AJAP1: variants seen among roughly 807,000 people sequenced by gnomAD.
AJAP1 encodes adherens junction-associated protein 1.
A neutral mutation model predicts 35.0 loss-of-function variants in AJAP1; 5 were observed. That is an observed-to-expected ratio of 0.14 (90% CI 0.07 to 0.30). AJAP1 has a LOEUF of 0.30. AJAP1 is among the 10% of genes least tolerant of loss of function. The probability of loss-of-function intolerance (pLI) is 1.00; values close to 1 mark genes in which losing one functional copy is unlikely to be tolerated. For synonymous variants in AJAP1, 284 were observed against 249.3 expected, an observed-to-expected ratio of 1.14 and a Z score of -1.31; for missense variants, 586 against 571.0, an observed-to-expected ratio of 1.03 and a Z score of -0.27.
intron 1 of AJAP1, among the ~76,000 whole-genome samples, chr1:4,672,831 C>T (rs1412344233): frequency 1.3e-5 from 2 of 152,204 alleles, no homozygotes; most frequent in African/African-American, 2.4e-5. Flanking sequence ...TTGACCCTTC[C>T]GTAGGGAGAT....
Position 4,714,427 on chromosome 1 carries a change from C to G in AJAP1, c.829+1728C>G, listed in dbSNP as rs1030118988. ...CATCATAGTAGGATTTCTTGCTACT[C>G]TCCCTTACTGTCACCTCCTCTGTAT... On this transcript the variant is annotated intron_variant, in intron 2 of 5. Coordinates refer to ENST00000378191, the MANE Select transcript of AJAP1 (RefSeq NM_018836.4). Among the ~76,000 whole-genome samples the G allele has an allele frequency of 2.6e-5, 4 of 152,234 alleles. No homozygotes were observed. The South Asian group carries it at 8.3e-4, about 31-fold the overall frequency.
chr1:4,666,836 TGC>T (rs1639137626), intron 1 of AJAP1, among the ~76,000 whole-genome samples: 1 of 125,296 alleles, frequency 8.0e-6, no homozygotes, highest in African/African-American at 3.2e-5. Flanking sequence ...ACGGAGGGGT[TGC>T]AGAGAGGAGC....
At chr1:4,682,272 T>C (rs986934378) in intron 1 of AJAP1, among the ~76,000 whole-genome samples, 1 of 152,150 alleles carries the variant, frequency 6.6e-6, no homozygotes, top group Non-Finnish European at 1.5e-5. Context: ...ATCAGTGCTG[T>C]TGTAGTTGCT....
intron 1 of AJAP1, among the ~76,000 whole-genome samples, chr1:4,707,135 T>G (rs1640117742): frequency 6.6e-6 from 1 of 152,166 alleles, no homozygotes; most frequent in African/African-American, 2.4e-5. Flanking sequence ...GGCTTCCTCC[T>G]GCCCATGTGC....
chr1:4,763,054 AG>A (rs1375134198), intron 2 of AJAP1, among the ~76,000 whole-genome samples: 5 of 152,186 alleles, frequency 3.3e-5, no homozygotes, highest in African/African-American at 1.2e-4. Flanking sequence ...TCACCCTCTG[AG>A]GCACACTGGG....
chr1:4,735,810 CT>C (rs1299672675), intron 2 of AJAP1, among the ~76,000 whole-genome samples: 1 of 152,230 alleles, frequency 6.6e-6, no homozygotes, highest in African/African-American at 2.4e-5. Context: ...GGCACAGCCC[CT>C]GTTACCCCTG....
intron 3 of AJAP1, among the ~76,000 whole-genome samples, chr1:4,770,748 C>A (rs966553653): frequency 3.9e-5 from 6 of 152,186 alleles, no homozygotes; most frequent in Non-Finnish European, 8.8e-5. Context: ...CACAGGGGAA[C>A]ACAAGAAAGA....
At chr1:4,753,784 C>G (rs1246556957) in intron 2 of AJAP1, among the ~76,000 whole-genome samples, 3 of 152,186 alleles carry the variant, frequency 2.0e-5, no homozygotes, top group African/African-American at 7.2e-5. Flanking sequence ...GTTGGAGAGG[C>G]TGGTCTCGAA....
chr1:4,710,888 G>C (rs1014357553), intron 1 of AJAP1, among the ~76,000 whole-genome samples: 1 of 152,196 alleles, frequency 6.6e-6, no homozygotes, highest in Non-Finnish European at 1.5e-5. Flanking sequence ...CCCCAGACCT[G>C]GTGACAAAGC....
chr1:4,704,427 G>A (rs929065910), intron 1 of AJAP1, among the ~76,000 whole-genome samples: 4 of 150,750 alleles, frequency 2.7e-5, no homozygotes, highest in Admixed American at 1.3e-4. Context: ...TTGTCCTTGC[G>A]ATAGTTACTG....
chr1:4,733,110 C>T (rs1286467307), intron 2 of AJAP1, among the ~76,000 whole-genome samples: 5 of 152,136 alleles, frequency 3.3e-5, no homozygotes, highest in African/African-American at 7.2e-5. Context: ...TTTCCTGCCC[C>T]GCCTCCAACA....
chr1:4,747,048 G>A (rs1003190517), intron 2 of AJAP1, among the ~76,000 whole-genome samples: 2 of 152,222 alleles, frequency 1.3e-5, no homozygotes, highest in Admixed American at 6.5e-5. Flanking sequence ...GTGGGAGAAC[G>A]CCACTGTCCC....
At position 4,711,920 on chromosome 1, in the gene AJAP1, C is replaced by T. The variant is rs781277874; in HGVS notation, c.50C>T (p.Pro17Leu). ...LGLSSMSIRW[P>L]GRPLGSHAWI... ...CACAGCTCCATGTCCATCCGCTGGC[C>T]GGGCCGCCCCCTCGGAAGCCATGCC... is the stretch of plus-strand genomic sequence containing the variant. Residue 17 changes from proline to leucine, a missense_variant, in exon 2 of 6, where the codon CCG becomes CTG. By Grantham distance (98) the Pro-to-Leu change is moderately conservative. Coordinates refer to ENST00000378191, the MANE Select transcript of AJAP1 (RefSeq NM_018836.4). 1.9e-5 allele frequency: 29 copies of T among 1,513,164 alleles called. No individual in the cohort carries two copies. The highest frequency in any genetic ancestry group is 5.1e-5 in the East Asian group (2 of 38,868). 93.7% of individuals were successfully genotyped at this position (1,513,164 alleles called of 1,614,324 possible).
At chr1:4,761,578 G>T (rs1287331187) in intron 2 of AJAP1, among the ~76,000 whole-genome samples, 1 of 152,186 alleles carries the variant, frequency 6.6e-6, no homozygotes, top group Non-Finnish European at 1.5e-5. Context: ...ATTAGTCAGG[G>T]TTCTCTAGAG....
At position 4,720,092 on chromosome 1, in the gene AJAP1, T is replaced by C. The variant is rs1640483781; in HGVS notation, c.829+7393T>C. Among the ~76,000 whole-genome samples, 1 of 152,176 alleles carries C rather than the reference T, an allele frequency of 6.6e-6. No homozygotes were observed. The highest frequency in any genetic ancestry group is 1.5e-5 in the Non-Finnish European group (1 of 68,030). Reference sequence around the variant, plus strand: ...GCTGGTAGAAAAAACATCACCCGCATCTTTGCAGCAGATAAGTTCCAAGTG... The same window carrying C: ...GCTGGTAGAAAAAACATCACCCGCACCTTTGCAGCAGATAAGTTCCAAGTG... On this transcript the variant is annotated intron_variant, in intron 2 of 5. Transcript: ENST00000378191. This position sits in a 1 kb window ranked among gnomAD's most constrained non-coding sequence, Gnocchi z 4.4.
At chr1:4,758,806 A>G (rs1415031851) in intron 2 of AJAP1, among the ~76,000 whole-genome samples, 1 of 152,218 alleles carries the variant, frequency 6.6e-6, no homozygotes, top group Non-Finnish European at 1.5e-5. Context: ...CACAGCTCCC[A>G]GGACAGCCGG....
At chr1:4,773,321 G>A (rs414434) in intron 4 of AJAP1, among the ~76,000 whole-genome samples, 1 of 152,076 alleles carries the variant, frequency 6.6e-6, no homozygotes, top group African/African-American at 2.4e-5. Flanking sequence ...GACTGGACTC[G>A]AGTTGTTTTA....
At chr1:4,756,549 C>T (rs894249530) in intron 2 of AJAP1, among the ~76,000 whole-genome samples, 8 of 152,196 alleles carry the variant, frequency 5.3e-5, no homozygotes, top group Non-Finnish European at 4.4e-5. Context: ...ACAGAGATGG[C>T]TGGATTTGGA....
chr1:4,737,025 G>T (rs1283508375), intron 2 of AJAP1, among the ~76,000 whole-genome samples: 1 of 152,216 alleles, frequency 6.6e-6, no homozygotes, highest in Non-Finnish European at 1.5e-5. Context: ...ATGGTTGAAT[G>T]AACTAGAGCA....
Sources: gnomAD v4.1 joint callset for allele counts (sites outside exome capture counted in the v4.1 genomes callset) on GRCh38, gnomAD v4.1.1 for gene constraint, Gnocchi (gnomAD v3.1) non-coding constraint, MANE v1.5 for transcripts, NCBI Gene and HGNC (gene_info 2026-07-23, HGNC 2026-07-21) for gene names.